The following TSPAN5 variants were observed in gnomAD, a reference collection of about 807,000 sequenced individuals.
TSPAN5 encodes tetraspanin 5.
TSPAN5 carries 10 observed loss-of-function variants against 37.1 expected under a neutral mutation model. The observed-to-expected ratio is 0.27, with a 90% CI of 0.17 to 0.46. The LOEUF (loss-of-function observed/expected upper bound fraction) is 0.46. TSPAN5 is among the 20% of genes least tolerant of loss of function. The probability of loss-of-function intolerance (pLI) is 1.00; values close to 1 mark genes in which losing one functional copy is unlikely to be tolerated. For synonymous variants in TSPAN5, 110 were observed against 118.9 expected (o/e 0.93, Z 0.48); for missense variants, 195 against 326.6 (o/e 0.60, Z 3.11).
intron 1 of TSPAN5, among the ~76,000 whole-genome samples, chr4:98,592,428 G>GTTTTTTTTTTTTTTT: frequency 8.4e-6 from 1 of 119,102 alleles, no homozygotes; most frequent in Non-Finnish European, 1.7e-5. Flanking sequence ...TCTGTTTTTT[G>GTTTTTTTTTTTTTTT]TTTTTTTTTT....
chr4:98,541,674 CAAAAA>C (rs746840547), intron 1 of TSPAN5, among the ~76,000 whole-genome samples: 1 of 104,386 alleles, frequency 9.6e-6, no homozygotes, highest in African/African-American at 3.9e-5. Flanking sequence ...GACTCTGTCT[CAAAAA>C]AAAAAAAAAA....
At chr4:98,622,164 C>A (rs903267725) in intron 1 of TSPAN5, among the ~76,000 whole-genome samples, 1 of 152,188 alleles carries the variant, frequency 6.6e-6, no homozygotes, top group African/African-American at 2.4e-5. Flanking sequence ...ACTGCAACCT[C>A]TGCCTCCCAG....
chr4:98,654,940 G>A (rs907342255), intron 1 of TSPAN5, among the ~76,000 whole-genome samples: 7 of 152,044 alleles, frequency 4.6e-5, no homozygotes, highest in South Asian at 2.1e-4. Flanking sequence ...TCCACCTCCC[G>A]GGTTCAAGTG....
intron 1 of TSPAN5, among the ~76,000 whole-genome samples, chr4:98,526,721 T>C (rs903958424): frequency 6.6e-6 from 1 of 151,922 alleles, no homozygotes; most frequent in Non-Finnish European, 1.5e-5. Context: ...GGGTGGAGGA[T>C]AGAATTCTAA....
intron 1 of TSPAN5, among the ~76,000 whole-genome samples, chr4:98,587,983 G>A (rs1755535087): frequency 6.6e-6 from 1 of 152,102 alleles, no homozygotes; most frequent in Admixed American, 6.5e-5. Context: ...GGTCTCTTCG[G>A]CATTTCCCTG....
chr4:98,542,844 G>C (rs535564004), intron 1 of TSPAN5, among the ~76,000 whole-genome samples: 1 of 151,970 alleles, frequency 6.6e-6, no homozygotes, highest in Admixed American at 6.6e-5. Flanking sequence ...TCCCGACTTA[G>C]ATTACTTTGC....
chr4:98,640,378 C>A (rs2110276667), intron 1 of TSPAN5, among the ~76,000 whole-genome samples: 1 of 152,206 alleles, frequency 6.6e-6, no homozygotes, highest in East Asian at 1.9e-4. Flanking sequence ...GTTTTCTAGG[C>A]ATATTTATAT....
At chr4:98,619,315 G>A (rs992143900) in intron 1 of TSPAN5, among the ~76,000 whole-genome samples, 1 of 152,130 alleles carries the variant, frequency 6.6e-6, no homozygotes, top group Non-Finnish European at 1.5e-5. Flanking sequence ...CAGACATCTC[G>A]TGCAGTATCA....
chr4:98,523,888 T>C (rs780980462), intron 1 of TSPAN5, among the ~76,000 whole-genome samples: 1 of 152,212 alleles, frequency 6.6e-6, no homozygotes, highest in Non-Finnish European at 1.5e-5. Flanking sequence ...CAGCATTTAA[T>C]GGATGTGGCC....
chr4:98,540,153 G>T (rs1270241955), intron 1 of TSPAN5, among the ~76,000 whole-genome samples: 1 of 152,160 alleles, frequency 6.6e-6, no homozygotes, highest in Non-Finnish European at 1.5e-5. Context: ...AAATTCTGGG[G>T]TAACTTGTTA....
chr4:98,507,437 G>T (rs1331041747), intron 2 of TSPAN5, among the ~76,000 whole-genome samples: 1 of 152,174 alleles, frequency 6.6e-6, no homozygotes, highest in Middle Eastern at 3.2e-3. Context: ...AAATTCCAAG[G>T]TATATTCTCT....
intron 1 of TSPAN5, among the ~76,000 whole-genome samples, chr4:98,616,428 G>A (rs895298895): frequency 6.6e-6 from 1 of 152,062 alleles, no homozygotes; most frequent in Non-Finnish European, 1.5e-5. Flanking sequence ...TTTCAGCATC[G>A]AACAGGTCAA....
intron 1 of TSPAN5, among the ~76,000 whole-genome samples, chr4:98,571,436 C>T (rs1755116118): frequency 6.9e-6 from 1 of 144,058 alleles, no homozygotes; most frequent in Admixed American, 7.2e-5. Context: ...GAAGTTCTCC[C>T]ACAAACCGTT....
At chr4:98,601,356 C>T (rs568943234) in intron 1 of TSPAN5, among the ~76,000 whole-genome samples, 42 of 152,354 alleles carry the variant, frequency 2.8e-4, no homozygotes, top group Non-Finnish European at 5.4e-4. Context: ...GTTTCATCTA[C>T]ATCAGAAATT....
chr4:98,628,016 C>T (rs555999646), intron 1 of TSPAN5, among the ~76,000 whole-genome samples: 22 of 152,282 alleles, frequency 1.4e-4, no homozygotes, highest in Non-Finnish European at 2.5e-4. Context: ...TACAGCTCCC[C>T]TGACAGGTCA....
intron 2 of TSPAN5, among the ~76,000 whole-genome samples, chr4:98,503,095 T>G (rs1383843450): frequency 6.6e-6 from 1 of 151,682 alleles, no homozygotes; most frequent in Non-Finnish European, 1.5e-5. Context: ...TCTCAGCAGG[T>G]GGACAGGTGG....
intron 1 of TSPAN5, among the ~76,000 whole-genome samples, chr4:98,637,473 T>C (rs1429483216): frequency 6.6e-6 from 1 of 152,222 alleles, no homozygotes; most frequent in Non-Finnish European, 1.5e-5. Context: ...ATTAAATATT[T>C]AGAATTTGGT....
intron 7 of TSPAN5, 51 bp from the exon 8 acceptor site, chr4:98,472,638 C>T: frequency 6.7e-7 from 1 of 1,492,052 alleles, no homozygotes. Context: ...TAACTTGTTT[C>T]CCTGGCCACT....
chr4:98,626,124 T>C (rs986494769), intron 1 of TSPAN5, among the ~76,000 whole-genome samples: 3 of 152,218 alleles, frequency 2.0e-5, no homozygotes, highest in African/African-American at 7.2e-5. Context: ...TGAGATCTAA[T>C]GAATGCTGGT....
Sources: allele counts gnomAD v4.1 joint callset (sites outside exome capture counted in the v4.1 genomes callset), GRCh38; gene constraint gnomAD v4.1.1; transcripts MANE v1.5; gene names NCBI Gene and HGNC (gene_info 2026-07-23, HGNC 2026-07-21).